Variants in RPN1 observed in about 807,000 individuals in gnomAD.
RPN1 encodes the protein dolichyl-diphosphooligosaccharide--protein glycosyltransferase subunit 1.
In RPN1, 12 loss-of-function variants were observed where a neutral mutation model predicts 55.5. That is an observed-to-expected ratio of 0.22 (90% CI 0.14 to 0.35). The LOEUF (loss-of-function observed/expected upper bound fraction) is 0.35. Ranked by LOEUF, RPN1 falls within the 10% of genes least tolerant of loss-of-function variation. The probability of loss-of-function intolerance (pLI) is 1.00; values close to 1 mark genes in which losing one functional copy is unlikely to be tolerated. For missense variants in RPN1, 679 were observed against 761.3 expected, an observed-to-expected ratio of 0.89 and a Z score of 1.27; for synonymous variants, 317 against 305.9, an observed-to-expected ratio of 1.04 and a Z score of -0.38.
At chr3:128,632,183 A>C (rs1161599347) in intron 3 of RPN1, 26 bp from the exon 4 acceptor site, 1 of 1,611,426 alleles carries the variant, frequency 6.2e-7, no homozygotes, top group Admixed American at 1.7e-5. Context: ...CAAATAGTTC[A>C]AAGTTTTGGC....
chr3:128,644,934 T>C lies in RPN1; in HGVS notation c.311A>G (p.Lys104Arg). ...EENNLEVRET[K>R]IKGKSGRFFT... The stretch of plus-strand genomic sequence containing the variant: ...GTCAGCTTACCTTTTACCCTTAATT[T>C]TGGTTTCACGTACTTCCAAATTGTT... The change falls in exon 2 of 10, where the codon AAA (lysine) becomes AGA (arginine). Residue 104 changes from lysine to arginine, a missense_variant. This residue lies in a region of RPN1 where 352 missense variants were observed against 352.8 expected (regional missense o/e 1.00). Coordinates refer to ENST00000296255, the MANE Select transcript of RPN1 (RefSeq NM_002950.4). The C allele has an allele frequency of 1.3e-6, 2 of 1,559,322 alleles. No individual in the cohort carries two copies. Among genetic ancestry groups the C allele is most frequent in the Non-Finnish European group, 1.8e-6 (2 of 1,130,120 alleles).
intron 3 of RPN1, among the ~76,000 whole-genome samples, chr3:128,635,642 T>TATATATATATATATATATATATATATAG: frequency 1.2e-4 from 1 of 8,064 alleles, no homozygotes; most frequent in South Asian, 4.1e-3. Context: ...TATATATAGA[T>TATATATATATATATATATATATATATAG]ATATATATAT....
In RPN1 at chr3:128,634,614, G is replaced by A. The variant is rs374968989; in HGVS notation, c.634-2457C>T. ...CTCTCACCCTGTCGCCCAGATTGGA[G>A]TGCAATGACGCGATCTTGGCTCACT... is the stretch of plus-strand genomic sequence containing the variant. On this transcript the variant is annotated intron_variant, in intron 3 of 9. Transcript: ENST00000296255. Among the ~76,000 whole-genome samples, 6 of 149,232 alleles carry A rather than the reference G, an allele frequency of 4.0e-5. No homozygotes were observed. The East Asian group carries it at 9.9e-4, about 25-fold the overall frequency.
chr3:128,635,640 GATATATATATATATATAT>G (rs1162489418), intron 3 of RPN1, among the ~76,000 whole-genome samples: 31,209 of 114,040 alleles, frequency 0.27, 4,001 homozygotes, highest in East Asian at 0.49. Flanking sequence ...TATATATATA[GATATATATATATATATAT>G]ATATATAGAT....
In RPN1 at chr3:128,639,455, G is replaced by GAAA. The variant is rs370062932; in HGVS notation, c.327-1353_327-1351dup. 3.2e-3 allele frequency among the ~76,000 whole-genome samples: 259 copies of GAAA among 81,718 alleles called. 5 individuals carry two copies. Among genetic ancestry groups the GAAA allele is most frequent in the Middle Eastern group, 5.5e-3 (1 of 182 alleles). 53.6% of individuals were successfully genotyped at this position (81,718 alleles called of 152,430 possible). A position where few individuals can be genotyped will look rare whatever the true frequency, so the allele number is the denominator to read the frequency against. On this transcript the variant is annotated intron_variant, in intron 2 of 9. Coordinates refer to ENST00000296255, the MANE Select transcript of RPN1 (RefSeq NM_002950.4). Reference sequence around the variant, plus strand: ...GCGACAGAGCGAGATACCGTCTCAAGAAAAAAAAAAAAAAAAAAATGAATG... The same window carrying GAAA: ...GCGACAGAGCGAGATACCGTCTCAAGAAAAAAAAAAAAAAAAAAAAAATGAATG...
chr3:128,641,352 G>A (rs1023892774), intron 2 of RPN1, among the ~76,000 whole-genome samples: 2 of 151,972 alleles, frequency 1.3e-5, no homozygotes, highest in South Asian at 2.1e-4. Flanking sequence ...TAAAGCCCAC[G>A]CCTTTAATAA....
chr3:128,632,594 CT>C (rs1223056955), intron 3 of RPN1, among the ~76,000 whole-genome samples: 1 of 152,088 alleles, frequency 6.6e-6, no homozygotes, highest in African/African-American at 2.4e-5. Context: ...TCTGACTTCA[CT>C]TTTTTTTCTT....
In RPN1 at chr3:128,624,666, T is replaced by C. The variant is rs968887036; in HGVS notation, c.1395+868A>G. On this transcript the variant is annotated intron_variant, in intron 8 of 9. Coordinates refer to ENST00000296255, the MANE Select transcript of RPN1 (RefSeq NM_002950.4). ...TGCCTGTCACCTCCTCAGGGTAGCC[T>C]TGGGGCCTCCCAAGTTGCCCCACTA... 3.4e-4 allele frequency among the ~76,000 whole-genome samples: 52 copies of C among 151,980 alleles called. 1 individual carries two copies. Among genetic ancestry groups the C allele is most frequent in the African/African-American group, 1.3e-3 (52 of 41,456 alleles).
At position 128,623,321 on chromosome 3, in the gene RPN1, G is replaced by C. The variant is rs1040020854; in HGVS notation, c.1396-912C>G. 9.8e-5 allele frequency among the ~76,000 whole-genome samples: 15 copies of C among 152,338 alleles called. 2 individuals are homozygous for C. The highest frequency in any genetic ancestry group is 3.9e-4 in the East Asian group (2 of 5,182). ...GAAGGCCGAGGCAGGCAGATTGCTT[G>C]AGTCCAGGAGTTCGAGACCAGCCTA... On this transcript the variant is annotated intron_variant, in intron 8 of 9. Coordinates refer to ENST00000296255, the MANE Select transcript of RPN1 (RefSeq NM_002950.4).
chr3:128,631,311 T>C (rs1487202728), intron 4 of RPN1, among the ~76,000 whole-genome samples: 2 of 150,466 alleles, frequency 1.3e-5, no homozygotes, highest in Non-Finnish European at 3.0e-5. Flanking sequence ...CTGTCTCTAC[T>C]AAAAATACAA....
rs765743525 is a variant in RPN1, at chr3:128,650,535, C to T, written c.261+5G>A. 1 of 1,535,468 alleles carries T rather than the reference C, an allele frequency of 6.5e-7. No homozygotes were observed. The highest frequency in any genetic ancestry group is 2.5e-5 in the East Asian group (1 of 40,706). On this transcript the variant is annotated splice_donor_5th_base_variant and intron_variant, in intron 1 of 9. Transcript: ENST00000296255. Reference sequence around the variant, plus strand: ...GAGCGGCGGCGAGGGGTCGCCCACACTCACCTGCACGCCCAGGTGCGCCAG... The same window carrying T: ...GAGCGGCGGCGAGGGGTCGCCCACATTCACCTGCACGCCCAGGTGCGCCAG...
intron 3 of RPN1, among the ~76,000 whole-genome samples, chr3:128,635,413 A>G (rs1411215390): frequency 2.0e-5 from 3 of 151,434 alleles, no homozygotes; most frequent in African/African-American, 7.3e-5. Flanking sequence ...CAGTTCTCGT[A>G]CCTCAACCTC....
chr3:128,638,172 A>C, intron 2 of RPN1, 67 bp from the exon 3 acceptor site: 8 of 1,238,834 alleles, frequency 6.5e-6, no homozygotes, highest in Non-Finnish European at 8.0e-6. Flanking sequence ...GTAGCAGTTC[A>C]AAGTCACAAC....
Position 128,632,940 on chromosome 3 carries a change from T to G in RPN1, c.634-783A>C, listed in dbSNP as rs141811317. 6.0e-4 allele frequency among the ~76,000 whole-genome samples: 91 copies of G among 152,276 alleles called. 1 individual carries two copies. In the East Asian group the frequency reaches 0.017, roughly 28 times the overall value. ...TTTCACTCTTCTATGTGGTAAATAC[T>G]ACCTCTCAATAAGGCCCAACACACC... On this transcript the variant is annotated intron_variant, in intron 3 of 9. Coordinates refer to ENST00000296255, the MANE Select transcript of RPN1 (RefSeq NM_002950.4).
chr3:128,635,924 T>TTA (rs1184982550), intron 3 of RPN1, among the ~76,000 whole-genome samples: 1 of 151,824 alleles, frequency 6.6e-6, no homozygotes, highest in Non-Finnish European at 1.5e-5. Context: ...ATACAACTTG[T>TTA]TATATATGAT....
rs879775440 is a variant in RPN1, at chr3:128,650,810, G to C, written c.-10C>G. ...CGGCTGGCGCCTCCATGACCGGGAA[G>C]AGCAGTGCGCCAGGGCGGGTAGGGC... On this transcript the variant is annotated 5_prime_UTR_variant, in exon 1 of 10. Coordinates refer to ENST00000296255, the MANE Select transcript of RPN1 (RefSeq NM_002950.4). 2.6e-6 allele frequency: 4 copies of C among 1,511,610 alleles called. No homozygotes were observed. In the African/African-American group the frequency reaches 5.6e-5, roughly 21 times the overall value. The allele number at this position is 1,511,610 out of a possible 1,614,324, so 93.6% of individuals were successfully genotyped here.
intron 1 of RPN1, 103 bp downstream of exon 1, chr3:128,650,437 G>C (rs886433413): frequency 1.6e-5 from 19 of 1,207,604 alleles, no homozygotes; most frequent in Non-Finnish European, 1.8e-5. Context: ...CCGGGTCTCC[G>C]CATTTCCTGA....
At chr3:128,624,976 G>A (rs2069588445) in intron 8 of RPN1, among the ~76,000 whole-genome samples, 3 of 152,142 alleles carry the variant, frequency 2.0e-5, no homozygotes, top group Non-Finnish European at 4.4e-5. Context: ...ATGGAGCCAA[G>A]AGCCCTAAGG....
Position 128,637,941 on chromosome 3 carries a change from G to A in RPN1, c.491C>T (p.Ser164Phe), listed in dbSNP as rs1165943838. Residue 164 changes from serine to phenylalanine, a missense_variant, in exon 3 of 10, where the codon TCT becomes TTT. Ser to Phe is a radical substitution (Grantham distance 155, BLOSUM62 -2). Around this residue, in one of 3 missense-constraint regions of RPN1, gnomAD observed 352 missense variants for 352.8 expected, o/e 1.00. Coordinates refer to ENST00000296255, the MANE Select transcript of RPN1 (RefSeq NM_002950.4). ...GGTTTGTGTCTTCGTTGGATAGGGA[G>A]AGTAGAAATAATGGTTCCCCTCAAA... ...VVFEGNHYFY[S>F]PYPTKTQTMR... is the part of the protein sequence containing the mutation. The A allele has an allele frequency of 6.2e-7, 1 of 1,614,226 alleles. No individual in the cohort carries two copies. The highest frequency in any genetic ancestry group is 1.1e-5 in the South Asian group (1 of 91,078).
Sources: gnomAD v4.1 joint callset for allele counts (sites outside exome capture counted in the v4.1 genomes callset) on GRCh38, gnomAD v4.1.1 for gene constraint, gnomAD v4.1.1 regional missense constraint, MANE v1.5 for transcripts, NCBI Gene and HGNC (gene_info 2026-07-23, HGNC 2026-07-21) for gene names.